Variants in TRAPPC9 observed in about 807,000 individuals in gnomAD.
The protein encoded by TRAPPC9 is trafficking protein particle complex subunit 9, also known as IKK2 binding protein.
Under a neutral mutation model 124.0 loss-of-function variants are expected in TRAPPC9, and 83 were observed. The ratio of observed to expected loss-of-function variants is 0.67; its 90% CI spans 0.56 to 0.80. The LOEUF is 0.80. Among genes scored for constraint, TRAPPC9 ranks in the 30% least tolerant of loss-of-function variants. TRAPPC9 has a pLI of 0.00. For synonymous variants in TRAPPC9, 638 were observed against 617.5 expected (o/e 1.03, Z -0.49); for missense variants, 1,302 against 1,508.3 (o/e 0.86, Z 2.27).
chr8:139,802,267 A>C (rs1418855405), intron 21 of TRAPPC9, among the ~76,000 whole-genome samples: 10 of 152,150 alleles, frequency 6.6e-5, no homozygotes, highest in Non-Finnish European at 1.5e-4. Flanking sequence ...CCAGCAAGAA[A>C]ATGAGGCCAT....
intron 18 of TRAPPC9, among the ~76,000 whole-genome samples, chr8:140,019,439 G>C (rs956557307): frequency 1.3e-5 from 2 of 150,828 alleles, no homozygotes; most frequent in Non-Finnish European, 3.0e-5. Flanking sequence ...CCTAAAGTTT[G>C]CTTTGTGAGA....
intron 17 of TRAPPC9, among the ~76,000 whole-genome samples, chr8:140,113,553 A>C (rs1258200050): frequency 6.6e-6 from 1 of 152,192 alleles, no homozygotes; most frequent in Non-Finnish European, 1.5e-5. Context: ...CTGCCTGGCC[A>C]CTCACTGCTC....
At chr8:139,845,342 C>T (rs1310006560) in intron 21 of TRAPPC9, among the ~76,000 whole-genome samples, 1 of 152,176 alleles carries the variant, frequency 6.6e-6, no homozygotes, top group Non-Finnish European at 1.5e-5. Flanking sequence ...CACTGCATTC[C>T]TGGCCCAGGC....
At chr8:139,940,609 C>T (rs1187980776) in intron 19 of TRAPPC9, among the ~76,000 whole-genome samples, 54 of 152,192 alleles carry the variant, frequency 3.5e-4, no homozygotes, top group Admixed American at 3.3e-3. Context: ...GCAGAGGGGC[C>T]GGCAGGGACA....
At chr8:140,108,127 G>C (rs1376815713) in intron 17 of TRAPPC9, among the ~76,000 whole-genome samples, 2 of 151,748 alleles carry the variant, frequency 1.3e-5, no homozygotes, top group Non-Finnish European at 2.9e-5. Flanking sequence ...GGTGGGGGCG[G>C]GGAGTTAAGA....
chr8:140,030,534 T>A (rs1840436274), intron 17 of TRAPPC9, among the ~76,000 whole-genome samples: 1 of 152,164 alleles, frequency 6.6e-6, no homozygotes, highest in Admixed American at 6.5e-5. Flanking sequence ...AACACATATC[T>A]ACACAAAAAC....
chr8:139,988,564 G>A (rs918688287), intron 19 of TRAPPC9, among the ~76,000 whole-genome samples, 162 bp downstream of exon 19: 2 of 152,166 alleles, frequency 1.3e-5, no homozygotes, highest in African/African-American at 2.4e-5. Flanking sequence ...AACGACTCCA[G>A]ATTCTCCCAC....
chr8:140,239,433 A>T (rs1050605038), intron 16 of TRAPPC9, among the ~76,000 whole-genome samples: 3 of 152,202 alleles, frequency 2.0e-5, no homozygotes, highest in Non-Finnish European at 2.9e-5. Flanking sequence ...GCAGTAAGAA[A>T]AGCAAGAGTA....
intron 19 of TRAPPC9, among the ~76,000 whole-genome samples, chr8:139,981,922 C>T (rs1000702564): frequency 2.6e-5 from 4 of 152,210 alleles, no homozygotes; most frequent in Non-Finnish European, 4.4e-5. Flanking sequence ...TTGGGTGCTT[C>T]GGTGCCAGGT....
chr8:140,392,760 T>A (rs1446229493), intron 7 of TRAPPC9, among the ~76,000 whole-genome samples: 1 of 152,210 alleles, frequency 6.6e-6, no homozygotes, highest in African/African-American at 2.4e-5. Context: ...GTTCCTCCTC[T>A]ACAAACAAGA....
Position 140,126,556 on chromosome 8 carries a change from A to C in TRAPPC9, c.2556+94903T>G, listed in dbSNP as rs535412826. On this transcript the variant is annotated intron_variant, in intron 17 of 22. Coordinates refer to ENST00000438773, the MANE Select transcript of TRAPPC9 (RefSeq NM_001160372.4). ...TAGGGTCCAATTTCGTCTGCAGTTG[A>C]ATACAAGCAGCACAATGATCCTGAA... is the stretch of plus-strand genomic sequence containing the variant. 3.3e-5 allele frequency among the ~76,000 whole-genome samples: 5 copies of C among 152,378 alleles called. 1 individual carries two copies. The highest frequency in any genetic ancestry group is 1.2e-4 in the African/African-American group (5 of 41,590).
chr8:140,451,159 T>A lies in TRAPPC9; in HGVS notation c.215A>T (p.Gln72Leu). ...PPENNEWGDFQTHRKVVGLIT... is the reference protein window; with the variant it reads ...PPENNEWGDFLTHRKVVGLIT... The stretch of plus-strand genomic sequence containing the variant: ...GAGGCCCACGACTTTGCGGTGGGTC[T>A]GGAAGTCACCCCACTCGTTGTTCTC... Residue 72 changes from glutamine (Q) to leucine (L), a missense_variant, in exon 2 of 23, where the codon CAG becomes CTG. Coordinates refer to ENST00000438773, the MANE Select transcript of TRAPPC9 (RefSeq NM_001160372.4). The A allele has an allele frequency of 6.2e-7, 1 of 1,614,036 alleles. No homozygotes were observed. The highest frequency in any genetic ancestry group is 1.1e-5 in the South Asian group (1 of 91,044).
rs1837099226 is a variant in TRAPPC9, at chr8:139,984,304, C to T, written c.2810+4422G>A. ...CCTCCCTCCCAGGTAGCAGTGAGAG[C>T]ACCACCTTCCGCTCCTGCTGGTAGC... On this transcript the variant is annotated intron_variant, in intron 19 of 22. Coordinates refer to ENST00000438773, the MANE Select transcript of TRAPPC9 (RefSeq NM_001160372.4). The surrounding 1 kb of genome is among the most constrained non-coding windows in gnomAD (Gnocchi z 4.3). Among the ~76,000 whole-genome samples the T allele has an allele frequency of 1.3e-5, 2 of 152,204 alleles. No homozygotes were observed. Among genetic ancestry groups the T allele is most frequent in the African/African-American group, 4.8e-5 (2 of 41,444 alleles).
At chr8:139,935,606 T>C (rs192745598) in intron 19 of TRAPPC9, among the ~76,000 whole-genome samples, 2 of 151,492 alleles carry the variant, frequency 1.3e-5, no homozygotes, top group East Asian at 3.9e-4. Context: ...AACAGGGATA[T>C]GATATGATAT....
intron 18 of TRAPPC9, among the ~76,000 whole-genome samples, chr8:140,015,830 T>C (rs561598224): frequency 6.6e-6 from 1 of 151,992 alleles, no homozygotes; most frequent in East Asian, 1.9e-4. Context: ...ATAAACGGGG[T>C]CATCCCTTTT....
chr8:140,432,644 G>A (rs775881745), intron 4 of TRAPPC9, among the ~76,000 whole-genome samples: 6 of 151,976 alleles, frequency 3.9e-5, no homozygotes, highest in Non-Finnish European at 5.9e-5. Context: ...AGGCCGAGGC[G>A]GGCAGATCAT....
At chr8:140,052,654 C>T (rs1179891897) in intron 17 of TRAPPC9, among the ~76,000 whole-genome samples, 1 of 151,984 alleles carries the variant, frequency 6.6e-6, no homozygotes. Flanking sequence ...TGGTGGCACA[C>T]ATCTGTAATC....
intron 19 of TRAPPC9, among the ~76,000 whole-genome samples, chr8:139,917,229 A>G (rs562359602): frequency 7.7e-6 from 1 of 129,196 alleles, no homozygotes; most frequent in East Asian, 2.5e-4. Context: ...GACGGAGTGC[A>G]GTGGCGCGAT....
In TRAPPC9 at chr8:140,147,743, T is replaced by C. The variant is rs187533834; in HGVS notation, c.2556+73716A>G. 3.3e-5 allele frequency among the ~76,000 whole-genome samples: 5 copies of C among 152,368 alleles called. No homozygotes were observed. In the East Asian group the frequency reaches 9.6e-4, roughly 29 times the overall value. On this transcript the variant is annotated intron_variant, in intron 17 of 22. Coordinates refer to ENST00000438773, the MANE Select transcript of TRAPPC9 (RefSeq NM_001160372.4). ...TCACGGTTTTAAAAGCATTTTCGTATGGATTACTTTACTTGATTCTCAAAA... is the reference window on the plus strand; with the variant it reads ...TCACGGTTTTAAAAGCATTTTCGTACGGATTACTTTACTTGATTCTCAAAA...
Sources: gnomAD v4.1 joint callset for allele counts (sites outside exome capture counted in the v4.1 genomes callset) on GRCh38, gnomAD v4.1.1 for gene constraint, Gnocchi (gnomAD v3.1) non-coding constraint, MANE v1.5 for transcripts, NCBI Gene and HGNC (gene_info 2026-07-23, HGNC 2026-07-21) for gene names.